Variants in FBXL13 observed in about 807,000 individuals in gnomAD.
FBXL13 encodes the protein F-box and leucine rich repeat protein 13.
FBXL13 carries 67 observed loss-of-function variants against 83.6 expected under a neutral mutation model. The ratio of observed to expected loss-of-function variants is 0.80; its 90% CI spans 0.66 to 0.98. FBXL13 has a LOEUF of 0.98. FBXL13 is among the 50% of genes least tolerant of loss of function. The pLI is 0.00. For missense variants in FBXL13, 822 were observed against 866.5 expected (o/e 0.95, Z 0.64); for synonymous variants, 272 against 299.5 (o/e 0.91, Z 0.95).
At chr7:103,006,399 C>G (rs1790993926) in intron 6 of FBXL13, among the ~76,000 whole-genome samples, 1 of 152,164 alleles carries the variant, frequency 6.6e-6, no homozygotes, top group Non-Finnish European at 1.5e-5. Context: ...AGCTGAGTCA[C>G]TAGTACAGTT....
intron 6 of FBXL13, chr7:102,976,380 C>T (rs1827461438): frequency 1.7e-6 from 1 of 591,120 alleles, no homozygotes; most frequent in Non-Finnish European, 3.0e-6. Flanking sequence ...CTTTTCTGCT[C>T]CCTGCACACC....
chr7:103,042,598 C>A (rs4729864), intron 2 of FBXL13, among the ~76,000 whole-genome samples: 80,349 of 152,008 alleles, frequency 0.53, 23,936 homozygotes, highest in Non-Finnish European at 0.66. Flanking sequence ...ACCAAAACAG[C>A]ATGGTACTGG....
intron 10 of FBXL13, among the ~76,000 whole-genome samples, chr7:102,919,851 T>G (rs1816647785): frequency 6.6e-6 from 1 of 152,150 alleles, no homozygotes. Context: ...CCAGTTATCA[T>G]CAGATGAATC....
In FBXL13 at chr7:102,884,493, C is replaced by T. The variant is rs908666287; in HGVS notation, c.1009-181G>A. Among the ~76,000 whole-genome samples, 8 of 151,832 alleles carry T rather than the reference C, an allele frequency of 5.3e-5. No individual in the cohort carries two copies. The East Asian group carries it at 5.8e-4, about 11-fold the overall frequency. Reference sequence around the variant, plus strand: ...TTCTTTTTTTTATTTAATTTTTTATCGAGGTAAAATTTATATAACATAAAA... The same window carrying T: ...TTCTTTTTTTTATTTAATTTTTTATTGAGGTAAAATTTATATAACATAAAA... On this transcript the variant is annotated intron_variant, in intron 11 of 19. Coordinates refer to ENST00000313221, the Ensembl canonical transcript of FBXL13.
rs200925600 is a variant in FBXL13 at position 102,923,072 on chromosome 7, CA to C, written c.878+3201del. ...TTTTTTTATTAACATTAATAAGACACAAGGTGATATATGTCAAAGAGGTATG... is the reference window on the plus strand; with the variant it reads ...TTTTTTTATTAACATTAATAAGACACAGGTGATATATGTCAAAGAGGTATG... On this transcript the variant is annotated intron_variant, in intron 10 of 19. Transcript: ENST00000313221. 3.7e-3 allele frequency among the ~76,000 whole-genome samples: 569 copies of C among 152,236 alleles called. 5 individuals carry two copies. The highest frequency in any genetic ancestry group is 0.014 in the African/African-American group (562 of 41,546).
Position 102,893,627 on chromosome 7 carries a change from G to T in FBXL13, c.1009-9315C>A, listed in dbSNP as rs147350203. Among the ~76,000 whole-genome samples, 573 of 152,148 alleles carry T rather than the reference G, an allele frequency of 3.8e-3. 5 individuals carry two copies. The highest frequency in any genetic ancestry group is 0.014 in the African/African-American group (566 of 41,492). On this transcript the variant is annotated intron_variant, in intron 11 of 19. Transcript: ENST00000313221. ...TAAAAATACAAAAAAAATTAGCCAG[G>T]TGTGGTGGCGGGGACCTGTAGTCCC...
chr7:103,069,885 T>A (rs1378436021), intron 1 of FBXL13, among the ~76,000 whole-genome samples: 1 of 152,174 alleles, frequency 6.6e-6, no homozygotes, highest in Non-Finnish European at 1.5e-5. Flanking sequence ...GAGACCATCC[T>A]GGCTAACACG....
chr7:102,831,051 A>C (rs1800580227), intron 18 of FBXL13, among the ~76,000 whole-genome samples: 1 of 152,112 alleles, frequency 6.6e-6, no homozygotes, highest in African/African-American at 2.4e-5. Context: ...ATTTGTTGGG[A>C]ACCACCCCTG....
intron 17 of FBXL13, among the ~76,000 whole-genome samples, chr7:102,844,996 T>G (rs1803673665): frequency 6.6e-6 from 1 of 152,048 alleles, no homozygotes. Context: ...TGCAGGAACT[T>G]CTGTCCCCAC....
intron 17 of FBXL13, among the ~76,000 whole-genome samples, chr7:102,836,843 A>G (rs1802077825): frequency 6.6e-6 from 1 of 152,244 alleles, no homozygotes; most frequent in South Asian, 2.1e-4. Context: ...CCACTTTGAC[A>G]GGTGGCAGCT....
chr7:102,866,364 T>C (rs6969209), intron 16 of FBXL13, among the ~76,000 whole-genome samples: 7,952 of 152,090 alleles, frequency 0.052, 275 homozygotes, highest in East Asian at 0.12. Flanking sequence ...CCACTATCAC[T>C]AGCTTGATGG....
chr7:102,944,190 T>A, intron 8 of FBXL13: 1 of 1,579,716 alleles, frequency 6.3e-7, no homozygotes, highest in Non-Finnish European at 8.6e-7. Context: ...TCAGGCTCAA[T>A]AAATATTTTC....
intron 1 of FBXL13, among the ~76,000 whole-genome samples, chr7:103,056,019 CAAGTCCCCA>C (rs374157373): frequency 5.7e-4 from 87 of 152,268 alleles, no homozygotes; most frequent in African/African-American, 1.9e-3. Flanking sequence ...CTCTTTCCCC[CAAGTCCCCA>C]AAGTCCATTG....
intron 17 of FBXL13, among the ~76,000 whole-genome samples, chr7:102,835,092 A>G (rs1003379033): frequency 2.0e-5 from 3 of 152,226 alleles, no homozygotes; most frequent in African/African-American, 7.2e-5. Flanking sequence ...GATATTGGTT[A>G]TTTAACCCTA....
At chr7:103,072,497 T>C (rs576516911) in intron 1 of FBXL13, among the ~76,000 whole-genome samples, 16 of 152,252 alleles carry the variant, frequency 1.1e-4, no homozygotes, top group Admixed American at 8.5e-4. Context: ...GAGGGGGAAC[T>C]GGGGACTGCC....
rs13231510 is a variant in FBXL13 at position 102,940,740 on chromosome 7, G to A, written c.725-8807C>T. Among the ~76,000 whole-genome samples the A allele has an allele frequency of 2.3e-3, 354 of 152,250 alleles. 2 individuals are homozygous for A. Among genetic ancestry groups the A allele is most frequent in the Non-Finnish European group, 4.1e-3 (281 of 68,034 alleles). ...CCATTTGCTAAGCAAAGCCTCTGGC[G>A]AAAATGAGCTTGGTAAATTAAGTAA... On this transcript the variant is annotated intron_variant, in intron 8 of 19. Coordinates refer to ENST00000313221, the Ensembl canonical transcript of FBXL13.
chr7:102,853,959 G>T (rs1291576013), intron 17 of FBXL13, among the ~76,000 whole-genome samples: 1 of 152,182 alleles, frequency 6.6e-6, no homozygotes, highest in Non-Finnish European at 1.5e-5. Context: ...GGAAGCCAGT[G>T]CAGCGATTCC....
intron 8 of FBXL13, among the ~76,000 whole-genome samples, chr7:102,945,886 AT>A (rs908056562): frequency 6.7e-5 from 10 of 149,688 alleles, no homozygotes; most frequent in Non-Finnish European, 1.0e-4. Flanking sequence ...AGTATTAGGC[AT>A]TTTTTTTTTC....
chr7:102,835,603 GT>G (rs776220490), intron 17 of FBXL13, among the ~76,000 whole-genome samples: 46 of 97,506 alleles, frequency 4.7e-4, no homozygotes, highest in South Asian at 3.9e-3. Flanking sequence ...AGGTGACATT[GT>G]TTTTTTTTTT....
Sources: allele counts gnomAD v4.1 joint callset (sites outside exome capture counted in the v4.1 genomes callset), GRCh38; gene constraint gnomAD v4.1.1; transcripts MANE v1.5; gene names NCBI Gene and HGNC (gene_info 2026-07-23, HGNC 2026-07-21).